The following KIAA1549 variants were observed in gnomAD, a reference collection of about 807,000 sequenced individuals.
KIAA1549 encodes UPF0606 protein KIAA1549.
A neutral mutation model predicts 156.4 loss-of-function variants in KIAA1549; 70 were observed. The observed-to-expected ratio is 0.45, with a 90% CI of 0.37 to 0.55. KIAA1549 has a LOEUF of 0.55. KIAA1549 is among the 20% of genes least tolerant of loss of function. The pLI, the probability that KIAA1549 is intolerant of heterozygous loss-of-function variation, is 0.00. For synonymous variants in KIAA1549, 1,103 were observed against 1,066.4 expected (o/e 1.03, Z -0.67); for missense variants, 2,428 against 2,540.9 (o/e 0.96, Z 0.96).
intron 8 of KIAA1549, among the ~76,000 whole-genome samples, chr7:138,899,906 T>C (rs1188419451): frequency 6.6e-6 from 1 of 152,210 alleles, no homozygotes; most frequent in African/African-American, 2.4e-5. Context: ...TCTAGCACAC[T>C]TGACATATCG....
At position 138,981,243 on chromosome 7, in the gene KIAA1549, T is replaced by C. The variant is rs1173095083; in HGVS notation, c.27A>G (p.Arg9=). The C allele has an allele frequency of 9.2e-6, 9 of 983,040 alleles. No homozygotes were observed. The Admixed American group carries it at 3.8e-4, about 41-fold the overall frequency. 60.9% of individuals were successfully genotyped at this position (983,040 alleles called of 1,614,324 possible). Residue 9 remains arginine, a synonymous_variant, in exon 1 of 20, where the codon CGA becomes CGG. Coordinates refer to ENST00000422774, the MANE Select transcript of KIAA1549 (RefSeq NM_001164665.2). The surrounding 1 kb of genome is among the most constrained non-coding windows in gnomAD (Gnocchi z 4.5). MPGARRRR[R]GAAMEGKPRA... ...GGGGCTTCCCCTCCATGGCCGCGCC[T>C]CGGCGTCGGCGCCGCGCCCCCGGCA...
chr7:138,862,260 C>G (rs1444654557), intron 15 of KIAA1549, among the ~76,000 whole-genome samples: 1 of 151,926 alleles, frequency 6.6e-6, no homozygotes, highest in South Asian at 2.1e-4. Context: ...CTTGGGAGAC[C>G]AAGGCAGGAA....
chr7:138,924,193 T>TC (rs201851331), intron 1 of KIAA1549, among the ~76,000 whole-genome samples: 7,455 of 147,904 alleles, frequency 0.05, 247 homozygotes, highest in South Asian at 0.13. Context: ...TTTTTTTTTT[T>TC]TCTTTTTTTT....
chr7:138,924,695 G>A (rs552741967), intron 1 of KIAA1549, among the ~76,000 whole-genome samples: 3 of 152,230 alleles, frequency 2.0e-5, no homozygotes, highest in African/African-American at 4.8e-5. Flanking sequence ...GCCCCAGGAG[G>A]GACAAAGCGG....
chr7:138,952,749 G>A (rs1813537999), intron 1 of KIAA1549, among the ~76,000 whole-genome samples: 1 of 152,208 alleles, frequency 6.6e-6, no homozygotes, highest in African/African-American at 2.4e-5. Flanking sequence ...GTGATATCTT[G>A]AGATTTTCAG....
intron 1 of KIAA1549, among the ~76,000 whole-genome samples, chr7:138,956,546 C>A (rs1222779350): frequency 2.6e-5 from 4 of 152,068 alleles, no homozygotes; most frequent in African/African-American, 9.7e-5. Flanking sequence ...ATAAGTCTCA[C>A]GAGATCTGAT....
rs1483139806 is a variant in KIAA1549, at chr7:138,981,239, C to CGCCTCG, written c.25_30dup (p.Arg9_Gly10dup). On this transcript the variant is annotated inframe_insertion, in exon 1 of 20. Transcript: ENST00000422774. This position sits in a 1 kb window ranked among gnomAD's most constrained non-coding sequence, Gnocchi z 4.5. ...GCGCGGGGCTTCCCCTCCATGGCCG[C>CGCCTCG]GCCTCGGCGTCGGCGCCGCGCCCCC... is the stretch of plus-strand genomic sequence containing the variant. 7.1e-6 allele frequency: 7 copies of CGCCTCG among 987,322 alleles called. No homozygotes were observed. The highest frequency in any genetic ancestry group is 1.0e-3 in the Middle Eastern group (2 of 1,956). The allele number at this position is 987,322 out of a possible 1,614,324, so 61.2% of individuals were successfully genotyped here. A position where few individuals can be genotyped will look rare whatever the true frequency, so the allele number is the denominator to read the frequency against.
chr7:138,882,360 G>C (rs928472188), intron 10 of KIAA1549, among the ~76,000 whole-genome samples: 2 of 152,252 alleles, frequency 1.3e-5, no homozygotes, highest in African/African-American at 2.4e-5. Context: ...AATTTCACGT[G>C]AAGAGTGAAA....
chr7:138,839,054 A>G (rs1351831367), intron 19 of KIAA1549, among the ~76,000 whole-genome samples: 2 of 152,208 alleles, frequency 1.3e-5, no homozygotes, highest in Non-Finnish European at 2.9e-5. Flanking sequence ...CATGAAGCTA[A>G]GCTGGGCAAA....
rs935502785 is a variant in KIAA1549 at position 138,859,005 on chromosome 7, CAA to C, written c.5247+2132_5247+2133del. Among the ~76,000 whole-genome samples, 51 of 106,114 alleles carry C rather than the reference CAA, an allele frequency of 4.8e-4. No individual in the cohort carries two copies. In the Middle Eastern group the frequency reaches 0.016, roughly 33 times the overall value. 69.6% of individuals were successfully genotyped at this position (106,114 alleles called of 152,430 possible). ...TGGGTGACAGAGCGAGACTCCATCT[CAA>C]AACACACACACACACACACACACAC... is the stretch of plus-strand genomic sequence containing the variant. On this transcript the variant is annotated intron_variant, in intron 16 of 19. Transcript: ENST00000422774.
chr7:138,954,417 A>C (rs1314805775), intron 1 of KIAA1549, among the ~76,000 whole-genome samples: 3 of 152,086 alleles, frequency 2.0e-5, no homozygotes, highest in African/African-American at 7.2e-5. Flanking sequence ...CTGGGGTTAG[A>C]CTACAGAAGA....
Position 138,838,146 on chromosome 7 carries a change from T to C in KIAA1549, c.5613A>G (p.Gly1871=), listed in dbSNP as rs745678569. Residue 1871 remains glycine (G), a synonymous_variant, in exon 20 of 20, where the codon GGA becomes GGG. Transcript: ENST00000422774. ...AGRREATHML[G]HQEYSSSPLF... is the part of the protein sequence containing the mutation. ...GCGGTGAAGAAGAATACTCTTGATG[T>C]CCGAGCATGTGTGTCTGAAAAACAT... The C allele has an allele frequency of 3.0e-5, 44 of 1,483,468 alleles. No individual in the cohort carries two copies. The highest frequency in any genetic ancestry group is 3.8e-5 in the Non-Finnish European group (43 of 1,122,970). The allele number at this position is 1,483,468 out of a possible 1,614,324, so 91.9% of individuals were successfully genotyped here. A position where few individuals can be genotyped will look rare whatever the true frequency, so the allele number is the denominator to read the frequency against.
intron 10 of KIAA1549, among the ~76,000 whole-genome samples, chr7:138,890,919 G>GTTT (rs1276996681): frequency 6.6e-6 from 1 of 152,194 alleles, no homozygotes; most frequent in Non-Finnish European, 1.5e-5. Context: ...GCTTTCGGCT[G>GTTT]TGCCCTTTTT....
At chr7:138,928,614 C>T (rs114850468) in intron 1 of KIAA1549, among the ~76,000 whole-genome samples, 398 of 152,318 alleles carry the variant, frequency 2.6e-3, no homozygotes, top group African/African-American at 9.0e-3. Flanking sequence ...TATAAATACA[C>T]CTTTGTTGCA....
chr7:138,841,305 T>C (rs1275111576), intron 18 of KIAA1549, among the ~76,000 whole-genome samples: 1 of 152,134 alleles, frequency 6.6e-6, no homozygotes, highest in African/African-American at 2.4e-5. Context: ...TGAAGTATAT[T>C]TTCATTATAA....
intron 12 of KIAA1549, 124 bp downstream of exon 12, chr7:138,879,414 T>C: frequency 1.6e-6 from 1 of 615,756 alleles, no homozygotes; most frequent in South Asian, 2.1e-5. Flanking sequence ...ACCACAGGAA[T>C]GATGAATTTT....
intron 9 of KIAA1549, among the ~76,000 whole-genome samples, chr7:138,895,204 C>A (rs1811650875): frequency 6.6e-6 from 1 of 152,190 alleles, no homozygotes; most frequent in Non-Finnish European, 1.5e-5. Flanking sequence ...GTAAATGAAT[C>A]ACCGAATAAT....
intron 1 of KIAA1549, among the ~76,000 whole-genome samples, chr7:138,947,265 T>C (rs1226623657): frequency 1.3e-5 from 2 of 152,226 alleles, no homozygotes; most frequent in Admixed American, 1.3e-4. Flanking sequence ...TTCTACGTAC[T>C]GAATGCCTAC....
At chr7:138,884,864 G>A (rs949895647) in intron 10 of KIAA1549, among the ~76,000 whole-genome samples, 1 of 152,184 alleles carries the variant, frequency 6.6e-6, no homozygotes, top group African/African-American at 2.4e-5. Flanking sequence ...CTATGTATTG[G>A]GTTATTTCTT....
Sources: allele counts gnomAD v4.1 joint callset (sites outside exome capture counted in the v4.1 genomes callset), GRCh38; gene constraint gnomAD v4.1.1; non-coding constraint Gnocchi (gnomAD v3.1); transcripts MANE v1.5; gene names NCBI Gene and HGNC (gene_info 2026-07-23, HGNC 2026-07-21).